The following EXOC6B variants were observed in gnomAD, a reference collection of about 807,000 sequenced individuals.
EXOC6B encodes the protein SEC15 homolog B.
In EXOC6B, 54 loss-of-function variants were observed where a neutral mutation model predicts 113.5. That is an observed-to-expected ratio of 0.48 (90% confidence interval 0.38 to 0.60). The LOEUF is 0.60. Among genes scored for constraint, EXOC6B ranks in the 20% least tolerant of loss-of-function variants. The probability of loss-of-function intolerance (pLI) is 0.00; values close to 1 mark genes in which losing one functional copy is unlikely to be tolerated. For missense variants in EXOC6B, 797 were observed against 977.5 expected (o/e 0.82, Z 2.46); for synonymous variants, 357 against 339.0 (o/e 1.05, Z -0.58).
intron 19 of EXOC6B, among the ~76,000 whole-genome samples, chr2:72,352,732 T>C (rs1689729673): frequency 1.4e-5 from 1 of 72,006 alleles, no homozygotes; most frequent in Non-Finnish European, 2.4e-5. Context: ...ACTGTAATCA[T>C]TTTTTTTTTT....
At chr2:72,455,378 G>A (rs1032729776) in intron 18 of EXOC6B, among the ~76,000 whole-genome samples, 13 of 152,084 alleles carry the variant, frequency 8.5e-5, no homozygotes, top group African/African-American at 2.4e-4. Context: ...TTTACCACCC[G>A]TTCCGGGAAT....
intron 6 of EXOC6B, among the ~76,000 whole-genome samples, chr2:72,685,739 T>A (rs561685887): frequency 5.9e-5 from 9 of 152,326 alleles, no homozygotes; most frequent in Non-Finnish European, 1.0e-4. Flanking sequence ...GACATTAAAG[T>A]ATTCGCTTTC....
At chr2:72,228,455 C>T (rs1440826704) in intron 20 of EXOC6B, among the ~76,000 whole-genome samples, 1 of 140,112 alleles carries the variant, frequency 7.1e-6, no homozygotes, top group African/African-American at 2.6e-5. Context: ...GTGTGATGTT[C>T]CCCTTCCTGT....
At chr2:72,593,390 T>C (rs533122239) in intron 6 of EXOC6B, among the ~76,000 whole-genome samples, 4 of 152,202 alleles carry the variant, frequency 2.6e-5, no homozygotes, top group Admixed American at 1.3e-4. Context: ...ATCAGCAGTA[T>C]TGTAGGACTG....
At chr2:72,741,537 T>C in intron 1 of EXOC6B, 68 bp from the exon 2 acceptor site, 1 of 1,456,242 alleles carries the variant, frequency 6.9e-7, no homozygotes, top group Non-Finnish European at 9.3e-7. Context: ...AAATTATAAA[T>C]CCAGAAGCAA....
chr2:72,344,177 T>C (rs1168919687), intron 19 of EXOC6B, among the ~76,000 whole-genome samples: 1 of 152,194 alleles, frequency 6.6e-6, no homozygotes, highest in Non-Finnish European at 1.5e-5. Flanking sequence ...TTCCCATTCA[T>C]TGATTCTTTT....
chr2:72,279,846 T>A (rs1685025523), intron 20 of EXOC6B, among the ~76,000 whole-genome samples: 1 of 152,036 alleles, frequency 6.6e-6, no homozygotes, highest in Non-Finnish European at 1.5e-5. Flanking sequence ...TTTGCCATGT[T>A]GCCCAGGCTG....
intron 3 of EXOC6B, among the ~76,000 whole-genome samples, chr2:72,732,320 G>GT (rs1264687103): frequency 5.9e-5 from 9 of 151,512 alleles, no homozygotes; most frequent in South Asian, 2.1e-4. Context: ...GGTTATGGTT[G>GT]TTTTTTTTGT....
chr2:72,655,806 C>T (rs76473312), intron 6 of EXOC6B, among the ~76,000 whole-genome samples: 8,662 of 152,042 alleles, frequency 0.057, 480 homozygotes, highest in East Asian at 0.22. Flanking sequence ...GCTAGTTAAC[C>T]ATCCCTGAGA....
chr2:72,191,595 A>G (rs17007929), intron 20 of EXOC6B, among the ~76,000 whole-genome samples: 14,900 of 152,234 alleles, frequency 0.098, 1,209 homozygotes, highest in African/African-American at 0.23. Context: ...TTCTGAACAG[A>G]CTTTCTTTTT....
At chr2:72,219,503 C>G (rs1183287149) in intron 20 of EXOC6B, among the ~76,000 whole-genome samples, 3 of 152,112 alleles carry the variant, frequency 2.0e-5, no homozygotes, top group Non-Finnish European at 4.4e-5. Context: ...TGAGGACTCA[C>G]AATTTTACCT....
chr2:72,179,584 A>G, intron 21 of EXOC6B, 123 bp from the exon 22 acceptor site: 2 of 1,124,982 alleles, frequency 1.8e-6, no homozygotes, highest in Non-Finnish European at 1.3e-6. Context: ...AGAGTCCAGA[A>G]TATCTCCACT....
At chr2:72,292,172 A>AGTGT (rs58303616) in intron 20 of EXOC6B, among the ~76,000 whole-genome samples, 11,772 of 139,288 alleles carry the variant, frequency 0.085, 548 homozygotes, top group Middle Eastern at 0.14. Context: ...TCCAGAAGTA[A>AGTGT]GTGTGTGTGT....
At chr2:72,782,721 T>C (rs748009090) in intron 1 of EXOC6B, among the ~76,000 whole-genome samples, 15 of 152,156 alleles carry the variant, frequency 9.9e-5, no homozygotes, top group Admixed American at 6.5e-4. Flanking sequence ...ATCATTCTAT[T>C]CTCTACCTCC....
chr2:72,425,727 T>C (rs1316850165), intron 18 of EXOC6B, among the ~76,000 whole-genome samples: 1 of 152,210 alleles, frequency 6.6e-6, no homozygotes, highest in East Asian at 1.9e-4. Context: ...CCAATCCTTC[T>C]AGATGGTAAT....
chr2:72,549,767 A>G (rs1001343823), intron 8 of EXOC6B, among the ~76,000 whole-genome samples: 4 of 152,192 alleles, frequency 2.6e-5, no homozygotes, highest in South Asian at 2.1e-4. Flanking sequence ...AAGGCAAGAC[A>G]CAAAGAAAAG....
chr2:72,566,691 T>C (rs755178390), intron 7 of EXOC6B, among the ~76,000 whole-genome samples: 1 of 152,142 alleles, frequency 6.6e-6, no homozygotes, highest in African/African-American at 2.4e-5. Context: ...TACATGGTAA[T>C]GTCAGTTTTT....
chr2:72,787,203 T>A (rs1020192119), intron 1 of EXOC6B, among the ~76,000 whole-genome samples: 80 of 151,910 alleles, frequency 5.3e-4, no homozygotes, highest in African/African-American at 1.8e-3. Context: ...TTATTTATTT[T>A]TTTATTTTTA....
At chr2:72,379,582 C>T (rs1691558982) in intron 19 of EXOC6B, 147 bp downstream of exon 19, 1 of 709,822 alleles carries the variant, frequency 1.4e-6, no homozygotes, top group East Asian at 3.1e-5. Flanking sequence ...AACTCTATTT[C>T]TAGATGTTCT....
Sources: gnomAD v4.1 joint callset for allele counts (sites outside exome capture counted in the v4.1 genomes callset) on GRCh38, gnomAD v4.1.1 for gene constraint, MANE v1.5 for transcripts, NCBI Gene and HGNC (gene_info 2026-07-23, HGNC 2026-07-21) for gene names.